The following PLEKHH2 variants were observed in gnomAD, a reference collection of about 807,000 sequenced individuals.
PLEKHH2 encodes pleckstrin homology, MyTH4 and FERM domain containing H2.
A neutral mutation model predicts 187.9 loss-of-function variants in PLEKHH2; 129 were observed. The observed-to-expected ratio is 0.69, with a 90% CI of 0.59 to 0.79. The LOEUF (loss-of-function observed/expected upper bound fraction) is 0.79, where lower values mean the gene tolerates loss of function less well. PLEKHH2 is among the 30% of genes least tolerant of loss of function. The pLI, the probability that PLEKHH2 is intolerant of heterozygous loss-of-function variation, is 0.00. For synonymous variants in PLEKHH2, 686 were observed against 605.6 expected (o/e 1.13, Z -1.95); for missense variants, 2,076 against 1,751.2 (o/e 1.19, Z -3.31).
chr2:43,753,149 T>C (rs1295264337), intron 24 of PLEKHH2, among the ~76,000 whole-genome samples: 1 of 152,212 alleles, frequency 6.6e-6, no homozygotes, highest in African/African-American at 2.4e-5. Context: ...CATACATTCC[T>C]TGCAAGAGAG....
intron 14 of PLEKHH2, 100 bp from the exon 15 acceptor site, chr2:43,712,125 T>C: frequency 6.9e-7 from 1 of 1,439,516 alleles, no homozygotes; most frequent in Non-Finnish European, 9.5e-7. Flanking sequence ...GCATGTTTGC[T>C]TCTGTGTTAA....
At chr2:43,738,213 G>T (rs936138783) in intron 19 of PLEKHH2, 128 bp from the exon 20 acceptor site, 2 of 735,766 alleles carry the variant, frequency 2.7e-6, no homozygotes, top group African/African-American at 3.5e-5. Context: ...TTTGATTAGT[G>T]TTATCATAAT....
At chr2:43,699,623 C>A (rs1309441439) in intron 7 of PLEKHH2, 24 bp from the exon 8 acceptor site, 1 of 1,592,928 alleles carries the variant, frequency 6.3e-7, no homozygotes, top group Admixed American at 1.8e-5. Flanking sequence ...AGGCAGCATG[C>A]TGATATGATG....
At chr2:43,678,467 G>C (rs1667979562) in intron 2 of PLEKHH2, among the ~76,000 whole-genome samples, 1 of 152,218 alleles carries the variant, frequency 6.6e-6, no homozygotes, top group African/African-American at 2.4e-5. Flanking sequence ...CGGCACCTCA[G>C]GAGGCCGAGG....
intron 2 of PLEKHH2, among the ~76,000 whole-genome samples, chr2:43,668,463 C>T (rs72870449): frequency 6.6e-6 from 1 of 152,114 alleles, no homozygotes; most frequent in African/African-American, 2.4e-5. Flanking sequence ...TCTCTGTATT[C>T]ATAATCATAA....
rs145298718 is a variant in PLEKHH2, at chr2:43,747,530, A to G, written c.3653+1567A>G. On this transcript the variant is annotated intron_variant, in intron 24 of 29. Coordinates refer to ENST00000282406, the MANE Select transcript of PLEKHH2 (RefSeq NM_172069.4). ...GAAAATGCCGGAGACTCCGGAGCAC[A>G]CACCTTCTCTACAGATAAAATGGTA... Among the ~76,000 whole-genome samples the G allele has an allele frequency of 2.7e-3, 407 of 152,292 alleles. 1 individual carries two copies. Among genetic ancestry groups the G allele is most frequent in the African/African-American group, 9.3e-3 (388 of 41,544 alleles).
At chr2:43,681,394 G>A (rs988545331) in intron 3 of PLEKHH2, 25 of 1,543,700 alleles carry the variant, frequency 1.6e-5, no homozygotes, top group Admixed American at 5.6e-5. Flanking sequence ...GGTTCTTGTC[G>A]ACTTTGTTCT....
intron 3 of PLEKHH2, 152 bp from the exon 4 acceptor site, chr2:43,692,362 T>C: frequency 6.9e-6 from 4 of 580,932 alleles, no homozygotes; most frequent in Non-Finnish European, 1.2e-5. Context: ...CTTGAGACTT[T>C]ATAATCATTA....
At chr2:43,723,291 G>A (rs1452365455) in intron 16 of PLEKHH2, among the ~76,000 whole-genome samples, 3 of 152,116 alleles carry the variant, frequency 2.0e-5, no homozygotes, top group Non-Finnish European at 2.9e-5. Flanking sequence ...CATTAAGACA[G>A]ATTACAGGAG....
At position 43,710,777 on chromosome 2, in the gene PLEKHH2, C is replaced by T. The variant is rs192746718; in HGVS notation, c.2301+202C>T. The T allele has an allele frequency of 1.8e-4, 239 of 1,340,680 alleles. 1 individual carries two copies. In the African/African-American group the frequency reaches 3.4e-3, roughly 19 times the overall value. The allele number at this position is 1,340,680 out of a possible 1,614,324, so 83.0% of individuals were successfully genotyped here. ...TGTAAGTTAGGTGTGTGTTGAGTAA[C>T]TCCCACCACACTTTACCTTTCTTCC... is the stretch of plus-strand genomic sequence containing the variant. On this transcript the variant is annotated intron_variant, in intron 14 of 29. Transcript: ENST00000282406.
chr2:43,742,053 T>A (rs1374427374), intron 21 of PLEKHH2, among the ~76,000 whole-genome samples: 3 of 151,944 alleles, frequency 2.0e-5, no homozygotes, highest in Non-Finnish European at 4.4e-5. Context: ...TAGGTTGGAG[T>A]GCAGTGGCAT....
Position 43,758,937 on chromosome 2 carries a change from C to T in PLEKHH2, c.3979C>T (p.Leu1327Phe), listed in dbSNP as rs761181415. 6.2e-7 allele frequency: 1 copy of T among 1,602,226 alleles called. No homozygotes were observed. The highest frequency in any genetic ancestry group is 8.5e-7 in the Non-Finnish European group (1 of 1,170,980). Reference protein sequence around the residue: ...CQRLSTRWMALRGHSAADCVR... With the variant: ...CQRLSTRWMAFRGHSAADCVR... ...GCGACTTTCAACCAGATGGATGGCC[C>T]TCCGGGGACACAGTGCTGCTGACTG... The change falls in exon 27 of 30, where the codon CTC (leucine) becomes TTC (phenylalanine). Residue 1327 changes from leucine (L) to phenylalanine (F), a missense_variant. Leu to Phe is a conservative substitution (Grantham distance 22). Coordinates refer to ENST00000282406, the MANE Select transcript of PLEKHH2 (RefSeq NM_172069.4).
In PLEKHH2 at chr2:43,703,991, T is replaced by A. The variant is rs1669522487; in HGVS notation, c.1661T>A (p.Ile554Asn). 1.9e-6 allele frequency: 3 copies of A among 1,584,812 alleles called. No individual in the cohort carries two copies. The East Asian group carries it at 7.0e-5, about 37-fold the overall frequency. Residue 554 changes from isoleucine to asparagine, a missense_variant, in exon 9 of 30, where the codon ATT becomes AAT. Ile to Asn is a moderately radical substitution (Grantham distance 149). Coordinates refer to ENST00000282406, the MANE Select transcript of PLEKHH2 (RefSeq NM_172069.4). ...TCTCTTTTACCCTAGGAAAGCAGAA[T>A]TTATGCTGTAGCCAAATCAGGTATT... ...LHRFPSWESR[I>N]YAVAKSGIRM...
chr2:43,710,295 C>G lies in PLEKHH2; in HGVS notation c.2179C>G (p.Leu727Val), dbSNP rs188598409. Residue 727 changes from leucine (L) to valine (V), a missense_variant, in exon 13 of 30, where the codon CTT becomes GTT. Coordinates refer to ENST00000282406, the MANE Select transcript of PLEKHH2 (RefSeq NM_172069.4). ...VKSWKRRWFV[L>V]KGGELLYYKS... ...GTCTTGGAAGCGGCGGTGGTTTGTTCTTAAAGGTGGTGAATTACTTTACTA... is the reference window on the plus strand; with the variant it reads ...GTCTTGGAAGCGGCGGTGGTTTGTTGTTAAAGGTGGTGAATTACTTTACTA... The G allele has an allele frequency of 5.6e-5, 91 of 1,613,902 alleles. No individual in the cohort carries two copies. The highest frequency in any genetic ancestry group is 7.6e-5 in the Non-Finnish European group (90 of 1,179,952).
rs1669887895 is a variant in PLEKHH2, at chr2:43,710,223, C to T, written c.2107C>T (p.Pro703Ser). ...TTGTCTATCTTTTAAAAATTAGGAA[C>T]CACTGGAAAAATCTGGTTATTTATT... is the stretch of plus-strand genomic sequence containing the variant. ...SSSSDNGKNE[P>S]LEKSGYLLKM... The change falls in exon 13 of 30, where the codon CCA becomes TCA. Residue 703 changes from proline (P) to serine (S), a missense_variant. Coordinates refer to ENST00000282406, the MANE Select transcript of PLEKHH2 (RefSeq NM_172069.4). The T allele has an allele frequency of 6.2e-7, 1 of 1,613,592 alleles. No individual in the cohort carries two copies. Among genetic ancestry groups the T allele is most frequent in the Non-Finnish European group, 8.5e-7 (1 of 1,179,720 alleles).
At chr2:43,740,202 C>T (rs1246350425) in intron 20 of PLEKHH2, among the ~76,000 whole-genome samples, 1 of 152,118 alleles carries the variant, frequency 6.6e-6, no homozygotes, top group African/African-American at 2.4e-5. Flanking sequence ...AGATCTCTAT[C>T]CTACTTTTAC....
Position 43,704,025 on chromosome 2 carries a change from T to C in PLEKHH2, c.1695T>C (p.Ser565=), listed in dbSNP as rs545783355. 11 of 1,603,694 alleles carry C rather than the reference T, an allele frequency of 6.9e-6. No individual in the cohort carries two copies. The South Asian group carries it at 1.1e-4, about 16-fold the overall frequency. Residue 565 remains serine, a synonymous_variant, in exon 9 of 30, where the codon TCT becomes TCC. Transcript: ENST00000282406. ...YAVAKSGIRM[S]EAFNMESVNK... The stretch of plus-strand genomic sequence containing the variant: ...TAGCCAAATCAGGTATTCGAATGTC[T>C]GAGGCCTTCAATATGGAGAGTGTTA...
chr2:43,740,691 A>G (rs1179482423), intron 20 of PLEKHH2: 1 of 344,078 alleles, frequency 2.9e-6, no homozygotes, highest in Non-Finnish European at 4.7e-6. Flanking sequence ...GTCAAAAAGG[A>G]GCACCTTGTC....
At chr2:43,695,386 G>A (rs557254595) in intron 6 of PLEKHH2, among the ~76,000 whole-genome samples, 162 bp downstream of exon 6, 24 of 152,334 alleles carry the variant, frequency 1.6e-4, no homozygotes, top group Admixed American at 4.6e-4. Context: ...GCATTCGAGT[G>A]AATGTTGGGC....
Sources: allele counts gnomAD v4.1 joint callset (sites outside exome capture counted in the v4.1 genomes callset), GRCh38; gene constraint gnomAD v4.1.1; transcripts MANE v1.5; gene names NCBI Gene and HGNC (gene_info 2026-07-23, HGNC 2026-07-21).